The following FXR1 variants were observed in gnomAD, a reference collection of about 807,000 sequenced individuals.
The protein encoded by FXR1 is FMR1 autosomal homolog 1, also known as RNA-binding protein FXR1.
In FXR1, 15 loss-of-function variants were observed where a neutral mutation model predicts 84.0. The observed-to-expected ratio is 0.18, with a 90% CI of 0.12 to 0.27. The LOEUF (loss-of-function observed/expected upper bound fraction) is 0.27, where lower values mean the gene tolerates loss of function less well. FXR1 is among the 10% of genes least tolerant of loss of function. The pLI, the probability that FXR1 is intolerant of heterozygous loss-of-function variation, is 1.00. For synonymous variants in FXR1, 245 were observed against 250.7 expected (o/e 0.98, Z 0.21); for missense variants, 480 against 774.4 (o/e 0.62, Z 4.51).
chr3:180,931,224 GT>G (rs1291266756), intron 1 of FXR1, among the ~76,000 whole-genome samples: 2 of 151,604 alleles, frequency 1.3e-5, no homozygotes, highest in East Asian at 2.0e-4. Flanking sequence ...AGTCTTTTTT[GT>G]TTTTTTCTTT....
rs529783282 is a variant in FXR1 at position 180,963,101 on chromosome 3, AT to A, written c.1198+29del. The A allele has an allele frequency of 0.21, 163,478 of 782,924 alleles. 266 individuals are homozygous for A. Among genetic ancestry groups the A allele is most frequent in the South Asian group, 0.26 (14,687 of 55,536 alleles). The allele number at this position is 782,924 out of a possible 1,614,324, so 48.5% of individuals were successfully genotyped here. The stretch of plus-strand genomic sequence containing the variant: ...ACACCTCCGGTTATGGTAAAAAAAA[AT>A]TTTTTTTTTTTTTTTTTGGTAATAG... On this transcript the variant is annotated intron_variant, in intron 13 of 16. Coordinates refer to ENST00000357559, the MANE Select transcript of FXR1 (RefSeq NM_005087.4).
chr3:180,935,013 A>T, intron 2 of FXR1, 125 bp from the exon 3 acceptor site: 1 of 549,360 alleles, frequency 1.8e-6, no homozygotes, highest in South Asian at 2.7e-5. Flanking sequence ...AATTATTAAT[A>T]GTATGAATGT....
intron 10 of FXR1, among the ~76,000 whole-genome samples, chr3:180,959,461 G>C (rs986209983): frequency 1.3e-5 from 2 of 151,986 alleles, no homozygotes; most frequent in Admixed American, 6.6e-5. Flanking sequence ...TAGGTAACTA[G>C]ATGAAATTGG....
chr3:180,970,422 A>ATATATATATATATATATATATATAT (rs1713420851), intron 15 of FXR1, 64 bp downstream of exon 15: 1 of 258,452 alleles, frequency 3.9e-6, no homozygotes. Context: ...ATATATATAT[A>ATATATATATATATATATATATATAT]ATTGTAAACT....
chr3:180,930,643 A>G (rs1234545997), intron 1 of FXR1, among the ~76,000 whole-genome samples: 1 of 152,176 alleles, frequency 6.6e-6, no homozygotes, highest in Non-Finnish European at 1.5e-5. Context: ...TAAACATGGA[A>G]ATTCCCAGTT....
chr3:180,958,575 A>G (rs553679263), intron 10 of FXR1, among the ~76,000 whole-genome samples: 6 of 152,202 alleles, frequency 3.9e-5, no homozygotes, highest in Admixed American at 6.5e-5. Flanking sequence ...GTTCCTTTTT[A>G]TGGCTGAGTA....
In FXR1 at chr3:180,919,288, G is replaced by GTT. The variant is rs3071953; in HGVS notation, c.51+6565_51+6566dup. Among the ~76,000 whole-genome samples the GTT allele has an allele frequency of 4.9e-3, 666 of 135,604 alleles. 8 individuals carry two copies. The highest frequency in any genetic ancestry group is 0.012 in the South Asian group (54 of 4,350). 89.0% of individuals were successfully genotyped at this position (135,604 alleles called of 152,430 possible). On this transcript the variant is annotated intron_variant, in intron 1 of 16. Coordinates refer to ENST00000357559, the MANE Select transcript of FXR1 (RefSeq NM_005087.4). ...TAAATTTTATTTTTTTTTTATTTTTGTTTTTTTTTTTTTTGAGCCAGAGTC... is the reference window on the plus strand; with the variant it reads ...TAAATTTTATTTTTTTTTTATTTTTGTTTTTTTTTTTTTTTTGAGCCAGAGTC...
At chr3:180,975,958 TTTG>T (rs1248648887) in intron 16 of FXR1, among the ~76,000 whole-genome samples, 161 bp from the exon 17 acceptor site, 13 of 152,206 alleles carry the variant, frequency 8.5e-5, no homozygotes, top group African/African-American at 3.1e-4. Flanking sequence ...AGTGGAATAC[TTTG>T]TTATTTGTTT....
rs1362415900 is a variant in FXR1 at position 180,978,453 on chromosome 3, C to G, written c.*2161C>G. ...TGTTTTTTTAGAGAGCCCCACTCCC[C>G]AAAGGGTAGCCATTAATTCAGGTAG... On this transcript the variant is annotated 3_prime_UTR_variant, in exon 17 of 17. Transcript: ENST00000357559. 2 of 152,040 alleles carry G rather than the reference C, an allele frequency of 1.3e-5. No individual in the cohort carries two copies. Among genetic ancestry groups the G allele is most frequent in the East Asian group, 3.9e-4 (2 of 5,184 alleles). The allele number at this position is 152,040 out of a possible 1,614,324, so 9.4% of individuals were successfully genotyped here. A position where few individuals can be genotyped will look rare whatever the true frequency, so the allele number is the denominator to read the frequency against.
chr3:180,942,904 G>A (rs1212137225), intron 3 of FXR1, among the ~76,000 whole-genome samples: 2 of 152,172 alleles, frequency 1.3e-5, no homozygotes, highest in African/African-American at 4.8e-5. Flanking sequence ...TTTATTGTGT[G>A]AGATATACTC....
At chr3:180,960,787 A>G (rs1166263828) in intron 10 of FXR1, among the ~76,000 whole-genome samples, 2 of 152,192 alleles carry the variant, frequency 1.3e-5, no homozygotes, top group Admixed American at 1.3e-4. Flanking sequence ...TAACTTTAAA[A>G]GTTGATTTAT....
At chr3:180,933,127 C>T (rs1303548832) in intron 1 of FXR1, 8 of 501,732 alleles carry the variant, frequency 1.6e-5, no homozygotes, top group South Asian at 2.7e-5. Context: ...TAGATGACAC[C>T]GGGTGAAAAA....
Position 180,979,792 on chromosome 3 carries a change from AAC to A in FXR1, c.*3502_*3503del, listed in dbSNP as rs1485104771. ...TAAGGCTCAAAAATGATCAACTATT[AAC>A]AGTTTCTTATGGTTCAGTCTAATTA... On this transcript the variant is annotated 3_prime_UTR_variant, in exon 17 of 17. Coordinates refer to ENST00000357559, the MANE Select transcript of FXR1 (RefSeq NM_005087.4). 1.3e-5 allele frequency: 2 copies of A among 152,026 alleles called. No individual in the cohort carries two copies. The highest frequency in any genetic ancestry group is 1.9e-4 in the East Asian group (1 of 5,176). 9.4% of individuals were successfully genotyped at this position (152,026 alleles called of 1,614,324 possible).
intron 7 of FXR1, among the ~76,000 whole-genome samples, chr3:180,950,769 C>T (rs191846109): frequency 1.3e-5 from 2 of 152,196 alleles, no homozygotes; most frequent in Non-Finnish European, 2.9e-5. Flanking sequence ...TACTTAGCAT[C>T]AAGGTTCATC....
intron 3 of FXR1, among the ~76,000 whole-genome samples, chr3:180,939,894 A>G (rs1199534185): frequency 6.6e-6 from 1 of 152,222 alleles, no homozygotes; most frequent in Non-Finnish European, 1.5e-5. Flanking sequence ...TTAAGCTTGT[A>G]AGGTGATTTT....
intron 10 of FXR1, 100 bp from the exon 11 acceptor site, chr3:180,961,367 AG>A (rs71182567): frequency 0.23 from 26,314 of 115,348 alleles, 8,166 homozygotes; most frequent in African/African-American, 0.5. Context: ...AAAAAAAAAA[AG>A]GTGTGTGTGT....
At chr3:180,956,924 A>G (rs1722797543) in intron 9 of FXR1, among the ~76,000 whole-genome samples, 1 of 152,228 alleles carries the variant, frequency 6.6e-6, no homozygotes, top group Non-Finnish European at 1.5e-5. Flanking sequence ...AGTTTTTGTG[A>G]AAAGTGATAT....
rs1011088860 is a variant in FXR1 at position 180,981,774 on chromosome 3, T to C, written c.*5482T>C. ...TCCCAAGCCATAAAATGTGGAAGAA[T>C]CTTCACAATTTCAAGTTGGTCATGT... On this transcript the variant is annotated 3_prime_UTR_variant, in exon 17 of 17. Transcript: ENST00000357559. 5 of 152,032 alleles carry C rather than the reference T, an allele frequency of 3.3e-5. No individual in the cohort carries two copies. The highest frequency in any genetic ancestry group is 4.1e-4 in the South Asian group (2 of 4,826). The allele number at this position is 152,032 out of a possible 1,614,324, so 9.4% of individuals were successfully genotyped here.
chr3:180,959,750 G>T (rs963651155), intron 10 of FXR1, among the ~76,000 whole-genome samples: 1 of 150,854 alleles, frequency 6.6e-6, no homozygotes, highest in Non-Finnish European at 1.5e-5. Context: ...AGTTTCCCTT[G>T]TTTCATGCTT....
Sources: gnomAD v4.1 joint callset for allele counts (sites outside exome capture counted in the v4.1 genomes callset) on GRCh38, gnomAD v4.1.1 for gene constraint, MANE v1.5 for transcripts, NCBI Gene and HGNC (gene_info 2026-07-23, HGNC 2026-07-21) for gene names.